The following MAPK10 variants were observed in gnomAD, a reference collection of about 807,000 sequenced individuals.
MAPK10 encodes mitogen-activated protein kinase 10, also known as JNK3 alpha protein kinase.
A neutral mutation model predicts 59.3 loss-of-function variants in MAPK10; 25 were observed. The observed-to-expected ratio is 0.42, with a 90% confidence interval of 0.31 to 0.59. The LOEUF (loss-of-function observed/expected upper bound fraction) is 0.59. Ranked by LOEUF, MAPK10 falls within the 20% of genes least tolerant of loss-of-function variation. The pLI is 0.15. For synonymous variants in MAPK10, 190 were observed against 200.5 expected, an observed-to-expected ratio of 0.95 and a Z score of 0.44; for missense variants, 351 against 568.9, an observed-to-expected ratio of 0.62 and a Z score of 3.90.
At chr4:86,328,501 G>C (rs539841147) in intron 2 of MAPK10, among the ~76,000 whole-genome samples, 3 of 152,120 alleles carry the variant, frequency 2.0e-5, no homozygotes, top group African/African-American at 7.2e-5. Context: ...TGATTACTGG[G>C]TATATACCCA....
At chr4:86,227,466 G>A (rs1383064993) in intron 2 of MAPK10, among the ~76,000 whole-genome samples, 34 of 142,994 alleles carry the variant, frequency 2.4e-4, no homozygotes, top group Admixed American at 2.2e-3. Context: ...CAGCCTGGGC[G>A]ACAGAGCGAG....
chr4:86,504,262 G>T (rs1021574992), intron 1 of MAPK10, among the ~76,000 whole-genome samples: 1 of 152,030 alleles, frequency 6.6e-6, no homozygotes, highest in African/African-American at 2.4e-5. Context: ...AATATTTCTT[G>T]AGTGAATGAA....
intron 1 of MAPK10, among the ~76,000 whole-genome samples, chr4:86,474,935 G>C (rs527517438): frequency 6.6e-6 from 1 of 152,078 alleles, no homozygotes; most frequent in African/African-American, 2.4e-5. Context: ...GAAAATGGCC[G>C]GTCCTTGCCT....
intron 1 of MAPK10, among the ~76,000 whole-genome samples, chr4:86,427,604 TGGAAGA>T (rs1199065555): frequency 6.6e-6 from 1 of 152,222 alleles, no homozygotes; most frequent in Non-Finnish European, 1.5e-5. Context: ...AAGGAAAAGA[TGGAAGA>T]GGAAGAGGAT....
chr4:86,529,907 T>A (rs1757738776), intron 1 of MAPK10, among the ~76,000 whole-genome samples: 1 of 152,106 alleles, frequency 6.6e-6, no homozygotes, highest in Non-Finnish European at 1.5e-5. Context: ...TGTGCTTAGT[T>A]CCCATCATCC....
In MAPK10 at chr4:86,173,276, T is replaced by C. The variant is rs114870252; in HGVS notation, c.67-13809A>G. Among the ~76,000 whole-genome samples the C allele has an allele frequency of 8.0e-3, 1,218 of 152,226 alleles. 15 individuals are homozygous for C. Among genetic ancestry groups the C allele is most frequent in the African/African-American group, 0.028 (1,152 of 41,542 alleles). ...GAATACGAGTATAAAAACAGATACA[T>C]AGATCAATTGAACAGAATAGAGGGC... On this transcript the variant is annotated intron_variant, in intron 3 of 13. Transcript: ENST00000641462.
intron 2 of MAPK10, among the ~76,000 whole-genome samples, chr4:86,342,748 T>G (rs6531925): frequency 0.16 from 24,420 of 152,100 alleles, 2,021 homozygotes; most frequent in East Asian, 0.26. Flanking sequence ...TTACTCCAAA[T>G]TATCTGAGAC....
intron 11 of MAPK10, among the ~76,000 whole-genome samples, chr4:86,041,235 G>T (rs944319380): frequency 1.3e-5 from 2 of 152,128 alleles, no homozygotes; most frequent in African/African-American, 4.8e-5. Flanking sequence ...ATGGGGAAAA[G>T]ATTCCCTATT....
chr4:86,283,325 G>A (rs1407281355), intron 2 of MAPK10, among the ~76,000 whole-genome samples: 1 of 152,132 alleles, frequency 6.6e-6, no homozygotes, highest in East Asian at 1.9e-4. Flanking sequence ...GACACCAGAA[G>A]ATTAAATAAA....
At chr4:86,367,883 G>C (rs1258703435) in intron 1 of MAPK10, among the ~76,000 whole-genome samples, 2 of 152,042 alleles carry the variant, frequency 1.3e-5, no homozygotes, top group East Asian at 3.9e-4. Flanking sequence ...TCTTGGTTCT[G>C]CTTCAAGATG....
chr4:86,129,914 T>A (rs2060705294), intron 4 of MAPK10, among the ~76,000 whole-genome samples: 1 of 152,170 alleles, frequency 6.6e-6, no homozygotes, highest in African/African-American at 2.4e-5. Flanking sequence ...AGACTCACTT[T>A]AAAAATTACA....
rs1486240119 is a variant in MAPK10, at chr4:86,343,853, A to C, written c.-7+10677T>G. Among the ~76,000 whole-genome samples, 10 of 150,606 alleles carry C rather than the reference A, an allele frequency of 6.6e-5. No homozygotes were observed. In the Admixed American group the frequency reaches 6.7e-4, roughly 10 times the overall value. ...GTAAAACAATGCCACTTTGTCACTA[A>C]ATTATTTTTATTTCTTAAAAGTAGT... On this transcript the variant is annotated intron_variant, in intron 2 of 13. Coordinates refer to ENST00000641462, the MANE Select transcript of MAPK10 (RefSeq NM_138982.4).
In MAPK10 at chr4:86,360,023, T is replaced by C. The variant is rs1736576513; in HGVS notation, c.-487A>G. On this transcript the variant is annotated 5_prime_UTR_variant, in exon 1 of 14. It removes an upstream start codon present in the reference 5' UTR. Coordinates refer to ENST00000641462, the MANE Select transcript of MAPK10 (RefSeq NM_138982.4). ...ACCCTCTTTCACTGCCTGGAAACCA[T>C]TGTGCAGCGTGATGCTGCCTGTACC... is the stretch of plus-strand genomic sequence containing the variant. 14 of 985,790 alleles carry C rather than the reference T, an allele frequency of 1.4e-5. No homozygotes were observed. Among genetic ancestry groups the C allele is most frequent in the South Asian group, 4.7e-5 (1 of 21,280 alleles). 61.1% of individuals were successfully genotyped at this position (985,790 alleles called of 1,614,324 possible).
At position 86,012,130 on chromosome 4, in the gene MAPK10, T is replaced by C. The variant is rs1741515288; in HGVS notation, c.*5098A>G. On this transcript the variant is annotated 3_prime_UTR_variant, in exon 14 of 14. Transcript: ENST00000641462. ...CAAAAGATGATCTTTTTTTTCTTCA[T>C]TGATTTTATACCTTAAAAAGAAATT... 2 of 152,198 alleles carry C rather than the reference T, an allele frequency of 1.3e-5. No homozygotes were observed. The highest frequency in any genetic ancestry group is 1.9e-4 in the East Asian group (1 of 5,196). The allele number at this position is 152,198 out of a possible 1,614,324, so 9.4% of individuals were successfully genotyped here. A position where few individuals can be genotyped will look rare whatever the true frequency, so the allele number is the denominator to read the frequency against.
chr4:86,050,590 A>G (rs1347014009), intron 11 of MAPK10, among the ~76,000 whole-genome samples: 2 of 152,066 alleles, frequency 1.3e-5, no homozygotes, highest in Non-Finnish European at 2.9e-5. Context: ...AAGTAAGGCA[A>G]TATTTTAAAT....
At chr4:86,041,640 C>T (rs747189087) in intron 11 of MAPK10, among the ~76,000 whole-genome samples, 2 of 152,000 alleles carry the variant, frequency 1.3e-5, no homozygotes, top group Admixed American at 6.6e-5. Flanking sequence ...ACAAACAACC[C>T]CATCAAAAAG....
At chr4:86,434,141 G>T (rs1422067389) in intron 1 of MAPK10, among the ~76,000 whole-genome samples, 1 of 152,180 alleles carries the variant, frequency 6.6e-6, no homozygotes, top group Non-Finnish European at 1.5e-5. Context: ...ATGCAGTGGG[G>T]AAAGGACAGT....
At chr4:86,469,621 C>A (rs1246977270) in intron 1 of MAPK10, among the ~76,000 whole-genome samples, 1 of 152,162 alleles carries the variant, frequency 6.6e-6, no homozygotes, top group Non-Finnish European at 1.5e-5. Flanking sequence ...ATAGTAAATA[C>A]CTCCTACTAT....
At chr4:86,564,944 T>G (rs1760953029) in intron 1 of MAPK10, among the ~76,000 whole-genome samples, 1 of 152,162 alleles carries the variant, frequency 6.6e-6, no homozygotes, top group African/African-American at 2.4e-5. Flanking sequence ...AAACTGTGCT[T>G]AATGATTTGG....
Sources: allele counts gnomAD v4.1 joint callset (sites outside exome capture counted in the v4.1 genomes callset), GRCh38; gene constraint gnomAD v4.1.1; transcripts MANE v1.5; gene names NCBI Gene and HGNC (gene_info 2026-07-23, HGNC 2026-07-21).